GALNT18: variants seen among roughly 807,000 people sequenced by gnomAD.
GALNT18 encodes polypeptide N-acetylgalactosaminyltransferase 18.
Under a neutral mutation model 69.5 loss-of-function variants are expected in GALNT18, and 44 were observed. That is an observed-to-expected ratio of 0.63 (90% CI 0.50 to 0.81). GALNT18 has a LOEUF of 0.81. Ranked by LOEUF, GALNT18 falls within the 40% of genes least tolerant of loss-of-function variation. GALNT18 has a pLI of 0.00. For synonymous variants in GALNT18, 364 were observed against 318.2 expected, an observed-to-expected ratio of 1.14 and a Z score of -1.53; for missense variants, 715 against 810.0, an observed-to-expected ratio of 0.88 and a Z score of 1.42.
At chr11:11,553,334 T>C (rs1565008652) in intron 1 of GALNT18, among the ~76,000 whole-genome samples, 1 of 152,204 alleles carries the variant, frequency 6.6e-6, no homozygotes, top group Non-Finnish European at 1.5e-5. Flanking sequence ...GACCCATCTA[T>C]GTATACTTTG....
intron 1 of GALNT18, among the ~76,000 whole-genome samples, chr11:11,526,608 T>C (rs543783978): frequency 1.3e-5 from 2 of 152,256 alleles, no homozygotes; most frequent in South Asian, 2.1e-4. Flanking sequence ...GTAGCTTATA[T>C]CACAAAGGCT....
chr11:11,612,689 A>T (rs1400580802), intron 1 of GALNT18, among the ~76,000 whole-genome samples: 1 of 152,242 alleles, frequency 6.6e-6, no homozygotes, highest in African/African-American at 2.4e-5. Context: ...GTTAAGATGC[A>T]GCACTCAACA....
intron 10 of GALNT18, 141 bp downstream of exon 10, chr11:11,292,888 C>A (rs974463177): frequency 1.5e-6 from 1 of 665,660 alleles, no homozygotes; most frequent in Non-Finnish European, 2.2e-6. Flanking sequence ...AGAAGCAAAG[C>A]AGTCTGGAGC....
At chr11:11,322,305 T>G (rs1245423018) in intron 9 of GALNT18, among the ~76,000 whole-genome samples, 2 of 152,342 alleles carry the variant, frequency 1.3e-5, no homozygotes, top group African/African-American at 4.8e-5. Flanking sequence ...ACTGTAAGTA[T>G]AACAGATACT....
At position 11,314,628 on chromosome 11, in the gene GALNT18, C is replaced by T. The variant is rs1417113173; in HGVS notation, c.1512+12458G>A. Among the ~76,000 whole-genome samples the T allele has an allele frequency of 1.3e-5, 2 of 152,164 alleles. No individual in the cohort carries two copies. Among genetic ancestry groups the T allele is most frequent in the African/African-American group, 4.8e-5 (2 of 41,440 alleles). On this transcript the variant is annotated intron_variant, in intron 9 of 10. Coordinates refer to ENST00000227756, the MANE Select transcript of GALNT18 (RefSeq NM_198516.3). The surrounding 1 kb of genome is among the most constrained non-coding windows in gnomAD (Gnocchi z 5.2). ...TTCTTTCTAAAAGCAGGGTGGGAAG[C>T]TGGCTGGGTGCTCACCTCACCCAGA...
chr11:11,369,777 C>T (rs1286626801), intron 6 of GALNT18, among the ~76,000 whole-genome samples: 5 of 151,802 alleles, frequency 3.3e-5, no homozygotes, highest in Admixed American at 2.6e-4. Flanking sequence ...TAGCTCCTTC[C>T]TTTTTCTCAT....
At chr11:11,585,586 C>T (rs1321926461) in intron 1 of GALNT18, among the ~76,000 whole-genome samples, 1 of 152,036 alleles carries the variant, frequency 6.6e-6, no homozygotes, top group African/African-American at 2.4e-5. Flanking sequence ...GAACTCCCGA[C>T]CTCAGGTGAT....
chr11:11,450,966 A>C (rs1201333739), intron 1 of GALNT18, among the ~76,000 whole-genome samples: 1 of 152,150 alleles, frequency 6.6e-6, no homozygotes, highest in African/African-American at 2.4e-5. Flanking sequence ...TGAGCTGCTA[A>C]AGTACGTGAA....
chr11:11,336,739 C>G (rs188323876), intron 7 of GALNT18, among the ~76,000 whole-genome samples: 2 of 152,260 alleles, frequency 1.3e-5, no homozygotes, highest in Non-Finnish European at 2.9e-5. Flanking sequence ...TCCAACTGAC[C>G]TTTACCAAGC....
chr11:11,400,635 C>G (rs374110705), intron 3 of GALNT18, among the ~76,000 whole-genome samples: 173 of 152,254 alleles, frequency 1.1e-3, no homozygotes, highest in African/African-American at 3.9e-3. Flanking sequence ...CTCTTCCTGG[C>G]TCATCAACCA....
intron 3 of GALNT18, among the ~76,000 whole-genome samples, chr11:11,428,179 C>T (rs1000590990): frequency 3.3e-5 from 5 of 152,346 alleles, no homozygotes; most frequent in South Asian, 2.1e-4. Context: ...CAGCTCCCCG[C>T]GTGGAGTCTG....
chr11:11,365,854 G>A (rs1358479461), intron 6 of GALNT18, among the ~76,000 whole-genome samples: 4 of 152,176 alleles, frequency 2.6e-5, no homozygotes, highest in African/African-American at 9.7e-5. Context: ...TTTCCCATAA[G>A]AGGAACTCTG....
At chr11:11,612,212 T>C (rs1349072761) in intron 1 of GALNT18, among the ~76,000 whole-genome samples, 1 of 152,206 alleles carries the variant, frequency 6.6e-6, no homozygotes, top group Non-Finnish European at 1.5e-5. Context: ...GTTGTGAAGA[T>C]GAAAAGGAAT....
intron 1 of GALNT18, among the ~76,000 whole-genome samples, chr11:11,608,494 G>C (rs1859808323): frequency 6.6e-6 from 1 of 151,996 alleles, no homozygotes; most frequent in African/African-American, 2.4e-5. Flanking sequence ...TGAGTAGCCA[G>C]GATTACAGGC....
intron 9 of GALNT18, among the ~76,000 whole-genome samples, chr11:11,303,838 C>T (rs750276244): frequency 2.4e-4 from 36 of 152,180 alleles, no homozygotes; most frequent in Non-Finnish European, 4.1e-4. Context: ...GAGGTCATCC[C>T]GGAGACAAGG....
At chr11:11,427,702 C>T (rs541876187) in intron 3 of GALNT18, among the ~76,000 whole-genome samples, 11 of 152,326 alleles carry the variant, frequency 7.2e-5, no homozygotes, top group African/African-American at 2.4e-4. Context: ...CCAAATTCTG[C>T]GCTCTTCCCA....
At chr11:11,371,356 G>A (rs774344146) in intron 6 of GALNT18, among the ~76,000 whole-genome samples, 5 of 152,226 alleles carry the variant, frequency 3.3e-5, no homozygotes, top group Non-Finnish European at 7.3e-5. Context: ...TGAGAGGAGG[G>A]TGCATCCAAG....
chr11:11,289,862 T>C (rs908477558), intron 10 of GALNT18, among the ~76,000 whole-genome samples: 2 of 152,152 alleles, frequency 1.3e-5, no homozygotes, highest in Non-Finnish European at 2.9e-5. Context: ...CAATGTCTCA[T>C]ATTGGAGGTG....
chr11:11,539,210 C>T (rs1222100055), intron 1 of GALNT18, among the ~76,000 whole-genome samples: 1 of 152,230 alleles, frequency 6.6e-6, no homozygotes, highest in African/African-American at 2.4e-5. Flanking sequence ...GGGCCCGGTG[C>T]CAGTAAGGCG....
Sources: gnomAD v4.1 joint callset for allele counts (sites outside exome capture counted in the v4.1 genomes callset) on GRCh38, gnomAD v4.1.1 for gene constraint, Gnocchi (gnomAD v3.1) non-coding constraint, MANE v1.5 for transcripts, NCBI Gene and HGNC (gene_info 2026-07-23, HGNC 2026-07-21) for gene names.